Variants in UBE3D observed in about 807,000 individuals in gnomAD.
UBE3D encodes the protein ubiquitin protein ligase E3D.
In UBE3D, 48 loss-of-function variants were observed where a neutral mutation model predicts 49.6. The observed-to-expected ratio is 0.97, with a 90% confidence interval of 0.77 to 1.23. The LOEUF is 1.23. Among genes scored for constraint, UBE3D ranks in the 50% most tolerant of loss-of-function variants. The pLI is 0.00. For missense variants in UBE3D, 452 were observed against 468.4 expected, an observed-to-expected ratio of 0.96 and a Z score of 0.32; for synonymous variants, 189 against 174.2, an observed-to-expected ratio of 1.08 and a Z score of -0.67.
At chr6:83,022,893 T>C (rs986471456) in intron 6 of UBE3D, among the ~76,000 whole-genome samples, 2 of 152,164 alleles carry the variant, frequency 1.3e-5, no homozygotes, top group Non-Finnish European at 2.9e-5. Flanking sequence ...AAACAGAGAA[T>C]AACTAACTTA....
chr6:83,065,621 G>T, intron 1 of UBE3D, 21 bp downstream of exon 1: 1 of 1,613,044 alleles, frequency 6.2e-7, no homozygotes, highest in Non-Finnish European at 8.5e-7. Context: ...TGGGCACTGC[G>T]CCTAGAATCC....
At chr6:83,019,722 C>CT (rs1446125438) in intron 7 of UBE3D, among the ~76,000 whole-genome samples, 17 of 152,246 alleles carry the variant, frequency 1.1e-4, no homozygotes, top group African/African-American at 3.9e-4. Flanking sequence ...GGGGAAAGAG[C>CT]TAGTTAAGGA....
At chr6:82,891,473 G>C (rs1418553551), downstream of UBE3D, among the ~76,000 whole-genome samples, 4 of 152,214 alleles carry the variant, frequency 2.6e-5, no homozygotes, top group African/African-American at 9.6e-5. Flanking sequence ...AGTAGCTTAA[G>C]TGAAGCCAAA....
At position 83,018,602 on chromosome 6, in the gene UBE3D, A is replaced by G. The variant is rs80244842; in HGVS notation, c.1010+371T>C. 1,266 of 190,640 alleles carry G rather than the reference A, an allele frequency of 6.6e-3. 18 individuals carry two copies. Among genetic ancestry groups the G allele is most frequent in the African/African-American group, 0.028 (1,155 of 41,874 alleles). The allele number at this position is 190,640 out of a possible 1,614,324, so 11.8% of individuals were successfully genotyped here. A position where few individuals can be genotyped will look rare whatever the true frequency, so the allele number is the denominator to read the frequency against. On this transcript the variant is annotated intron_variant, in intron 8 of 9. Coordinates refer to ENST00000369747, the MANE Select transcript of UBE3D (RefSeq NM_198920.3). ...TTTGTTTATGGTCTGCCTTCCCCCT[A>G]TTAGAACAACAATGCTAAGAGGTAG...
At chr6:82,896,156 CA>C in intron 9 of UBE3D, among the ~76,000 whole-genome samples, 1 of 152,274 alleles carries the variant, frequency 6.6e-6, no homozygotes, top group Non-Finnish European at 1.5e-5. Flanking sequence ...TAACATATTT[CA>C]AACGCTGATT....
intron 5 of UBE3D, among the ~76,000 whole-genome samples, chr6:83,027,434 C>CAAAAAAAAAAAAAAAAAAAAAAAAAAAA (rs61225462): frequency 8.7e-5 from 3 of 34,644 alleles, no homozygotes; most frequent in Non-Finnish European, 1.5e-4. Flanking sequence ...GACTCCGTCT[C>CAAAAAAAAAAAAAAAAAAAAAAAAAAAA]AAAAAAAAAA....
intron 8 of UBE3D, among the ~76,000 whole-genome samples, chr6:82,957,690 C>G (rs1028056574): frequency 1.3e-5 from 2 of 152,136 alleles, no homozygotes; most frequent in Non-Finnish European, 2.9e-5. Flanking sequence ...TATACAGTCA[C>G]AGGAAATGCA....
intron 4 of UBE3D, among the ~76,000 whole-genome samples, chr6:83,042,692 C>T (rs1452639933): frequency 6.6e-6 from 1 of 152,100 alleles, no homozygotes; most frequent in Non-Finnish European, 1.5e-5. Context: ...CCCTTTGTGT[C>T]GTTTCAATTT....
Position 83,054,152 on chromosome 6 carries a change from C to T in UBE3D, c.361G>A (p.Asp121Asn), listed in dbSNP as rs149767269. 18 of 1,612,926 alleles carry T rather than the reference C, an allele frequency of 1.1e-5. No homozygotes were observed. Among genetic ancestry groups the T allele is most frequent in the Admixed American group, 3.3e-5 (2 of 59,978 alleles). Residue 121 changes from aspartate (D) to asparagine (N), a missense_variant, in exon 3 of 10, where the codon GAC becomes AAC. Asp to Asn is a conservative substitution (Grantham distance 23). Transcript: ENST00000369747. Reference protein sequence around the residue: ...CQSCGEVIIKDRKLLRVLPLP... With the variant: ...CQSCGEVIIKNRKLLRVLPLP... ...AGTGTTAAATATATTCCTTACCTGT[C>T]TTTTATTATGACTTCACCGCAGGAT...
At chr6:83,064,482 T>C (rs1487437570) in intron 1 of UBE3D, among the ~76,000 whole-genome samples, 2 of 152,116 alleles carry the variant, frequency 1.3e-5, no homozygotes, top group African/African-American at 4.8e-5. Flanking sequence ...CGCCTCAGCC[T>C]CCCAATGTGC....
intron 8 of UBE3D, among the ~76,000 whole-genome samples, chr6:83,002,642 G>A (rs999769819): frequency 7.2e-5 from 11 of 152,206 alleles, no homozygotes; most frequent in African/African-American, 1.2e-4. Context: ...CCGAGATTGC[G>A]CCATTGCACT....
At chr6:83,042,824 T>A (rs1264264755) in intron 4 of UBE3D, among the ~76,000 whole-genome samples, 1 of 152,182 alleles carries the variant, frequency 6.6e-6, no homozygotes, top group Non-Finnish European at 1.5e-5. Context: ...ATAGGAGAAA[T>A]AGGTTTTCAA....
At chr6:83,020,240 T>G (rs930555518) in intron 7 of UBE3D, among the ~76,000 whole-genome samples, 10 of 152,080 alleles carry the variant, frequency 6.6e-5, no homozygotes, top group African/African-American at 2.2e-4. Flanking sequence ...AAAATTCCAG[T>G]CATTAAAGAG....
chr6:82,909,766 A>G (rs1335330255), intron 9 of UBE3D, among the ~76,000 whole-genome samples: 3 of 152,290 alleles, frequency 2.0e-5, no homozygotes, highest in South Asian at 2.1e-4. Context: ...TTCGAGGTCT[A>G]TGAGCAATGA....
chr6:82,901,664 T>G (rs1328322202), intron 9 of UBE3D, among the ~76,000 whole-genome samples: 1 of 152,180 alleles, frequency 6.6e-6, no homozygotes, highest in Non-Finnish European at 1.5e-5. Context: ...TAACTCCTAC[T>G]CCAGTGTCTT....
intron 8 of UBE3D, among the ~76,000 whole-genome samples, chr6:83,010,699 G>C (rs1474325719): frequency 6.6e-6 from 1 of 152,144 alleles, no homozygotes; most frequent in South Asian, 2.1e-4. Flanking sequence ...CTGAAGAATT[G>C]GAGTCCAATG....
chr6:82,954,078 T>C (rs1428442183), intron 9 of UBE3D, among the ~76,000 whole-genome samples: 1 of 151,910 alleles, frequency 6.6e-6, no homozygotes, highest in South Asian at 2.1e-4. Context: ...AGAGATGAGG[T>C]CAGAAAGGGA....
At chr6:82,884,134 T>C in the UBE3D span, among the ~76,000 whole-genome samples, 1 of 152,188 alleles carries the variant, frequency 6.6e-6, no homozygotes, top group African/African-American at 2.4e-5. Context: ...ACTATAATTA[T>C]AGGCACTGGG....
rs146602947 is a variant in UBE3D, at chr6:82,945,198, G to C, written c.1149+12114C>G. On this transcript the variant is annotated intron_variant, in intron 9 of 9. Transcript: ENST00000369747. ...CTGGCTTCAGGTCTGACCCAGAGCA[G>C]TCTTTGTGATGGTGGCCACAGGGGC... Among the ~76,000 whole-genome samples, 272 of 152,342 alleles carry C rather than the reference G, an allele frequency of 1.8e-3. 2 individuals are homozygous for C. The highest frequency in any genetic ancestry group is 2.3e-3 in the Admixed American group (35 of 15,304).
Sources: allele counts gnomAD v4.1 joint callset (sites outside exome capture counted in the v4.1 genomes callset), GRCh38; gene constraint gnomAD v4.1.1; transcripts MANE v1.5; gene names NCBI Gene and HGNC (gene_info 2026-07-23, HGNC 2026-07-21).